Variants in CHD7 observed in about 807,000 individuals in gnomAD.
CHD7 encodes the protein chromodomain helicase DNA binding protein 7, also known as ATP-dependent chromatin remodeler CHD7.
CHD7 carries 24 observed loss-of-function variants against 307.3 expected under a neutral mutation model. The observed-to-expected ratio is 0.08, with a 90% CI of 0.06 to 0.11. CHD7 has a LOEUF of 0.11. Among genes scored for constraint, CHD7 ranks in the 10% least tolerant of loss-of-function variants. CHD7 has a pLI of 1.00. For missense variants in CHD7, 3,106 were observed against 3,727.1 expected (o/e 0.83, Z 4.34); for synonymous variants, 1,363 against 1,349.9 (o/e 1.01, Z -0.21).
rs570734439 is a variant in CHD7 at position 60,849,243 on chromosome 8, T to C, written c.5404+89T>C. 5.3e-5 allele frequency: 42 copies of C among 798,674 alleles called. 1 individual carries two copies. The South Asian group carries it at 6.2e-4, about 12-fold the overall frequency. The allele number at this position is 798,674 out of a possible 1,614,324, so 49.5% of individuals were successfully genotyped here. On this transcript the variant is annotated intron_variant, in intron 25 of 37. Transcript: ENST00000423902. ...TACATACTCTTTTCCAAAGTCATAA[T>C]ATTAATGAGGATAGTTCCAAAGGAC...
At position 60,855,824 on chromosome 8, in the gene CHD7, G is replaced by A. The variant is rs554940802; in HGVS notation, c.6937-151G>A. The A allele has an allele frequency of 8.6e-5, 53 of 618,754 alleles. 1 individual carries two copies. The South Asian group carries it at 1.1e-3, about 12-fold the overall frequency. The allele number at this position is 618,754 out of a possible 1,614,324, so 38.3% of individuals were successfully genotyped here. ...GGAGATTTTGTTTATTTACTTTCTT[G>A]TTTGATTTCTTGCCTTGTTTTCTTT... On this transcript the variant is annotated intron_variant, in intron 32 of 37. Coordinates refer to ENST00000423902, the MANE Select transcript of CHD7 (RefSeq NM_017780.4).
intron 1 of CHD7, among the ~76,000 whole-genome samples, chr8:60,688,585 CTTG>C (rs1406242682): frequency 2.6e-5 from 4 of 152,136 alleles, no homozygotes; most frequent in Admixed American, 6.5e-5. Flanking sequence ...GCCTAATTCT[CTTG>C]TTGATTATAT....
At chr8:60,799,671 A>AT (rs11422644) in intron 4 of CHD7, among the ~76,000 whole-genome samples, 250 of 152,098 alleles carry the variant, frequency 1.6e-3, no homozygotes, top group African/African-American at 4.2e-3. Flanking sequence ...TAAAGCACTG[A>AT]TTTTTTTTGG....
In CHD7 at chr8:60,741,599, A is replaced by G; in HGVS notation, c.167A>G (p.His56Arg). ...GFASLQPSLHHPSTNQNQTKL... is the reference protein window; with the variant it reads ...GFASLQPSLHRPSTNQNQTKL... ...GCCTCTTTACAGCCATCCCTTCATC[A>G]TCCTTCAACTAATCAAAATCAAACA... The change falls in exon 2 of 38, where the codon CAT becomes CGT. Residue 56 changes from histidine to arginine, a missense_variant. By Grantham distance (29) the His-to-Arg change is conservative. Transcript: ENST00000423902. 1 of 1,613,808 alleles carries G rather than the reference A, an allele frequency of 6.2e-7. No individual in the cohort carries two copies. The highest frequency in any genetic ancestry group is 8.5e-7 in the Non-Finnish European group (1 of 1,179,794).
At chr8:60,698,565 G>C (rs1316305296) in intron 1 of CHD7, among the ~76,000 whole-genome samples, 2 of 152,182 alleles carry the variant, frequency 1.3e-5, no homozygotes, top group Non-Finnish European at 2.9e-5. Flanking sequence ...ATCTTGGGCA[G>C]ATAACCTGTT....
rs1806259115 is a variant in CHD7, at chr8:60,866,827, T to C, written c.*894T>C. 1 of 152,632 alleles carries C rather than the reference T, an allele frequency of 6.6e-6. No individual in the cohort carries two copies. Among genetic ancestry groups the C allele is most frequent in the Non-Finnish European group, 1.5e-5 (1 of 68,040 alleles). The allele number at this position is 152,632 out of a possible 1,614,324, so 9.5% of individuals were successfully genotyped here. On this transcript the variant is annotated 3_prime_UTR_variant, in exon 38 of 38. Transcript: ENST00000423902. ...TTTTTTTCTTTGAAAACTGCTATCA[T>C]GTAAGATAAAATGTAAATTGCTGCC...
intron 1 of CHD7, among the ~76,000 whole-genome samples, chr8:60,683,572 T>G (rs1438858312): frequency 6.6e-6 from 1 of 152,236 alleles, no homozygotes; most frequent in Non-Finnish European, 1.5e-5. Context: ...TAGAGAATGA[T>G]TGGATATTTA....
At chr8:60,847,809 A>G (rs1805281288) in intron 23 of CHD7, among the ~76,000 whole-genome samples, 1 of 152,192 alleles carries the variant, frequency 6.6e-6, no homozygotes, top group African/African-American at 2.4e-5. Flanking sequence ...ATGTCAGTGA[A>G]TTGGACACAT....
intron 1 of CHD7, among the ~76,000 whole-genome samples, chr8:60,713,021 G>T (rs1311869800): frequency 1.5e-5 from 2 of 135,580 alleles, no homozygotes; most frequent in African/African-American, 5.6e-5. Context: ...CTGCACTCCA[G>T]CCTGGGCAAC....
chr8:60,806,389 A>C (rs1270727228), intron 6 of CHD7, among the ~76,000 whole-genome samples: 1 of 152,126 alleles, frequency 6.6e-6, no homozygotes, highest in Non-Finnish European at 1.5e-5. Flanking sequence ...GAATGGGGAA[A>C]TATTAAGGCT....
At chr8:60,686,149 G>A (rs750045956) in intron 1 of CHD7, among the ~76,000 whole-genome samples, 5 of 152,142 alleles carry the variant, frequency 3.3e-5, no homozygotes, top group Non-Finnish European at 5.9e-5. Flanking sequence ...GTAGGGACAT[G>A]CTTCATGTGA....
chr8:60,818,623 C>T (rs1042195185), intron 8 of CHD7, among the ~76,000 whole-genome samples: 2 of 152,070 alleles, frequency 1.3e-5, no homozygotes, highest in African/African-American at 4.8e-5. Flanking sequence ...GTGTAAAAGC[C>T]TGAGATACTT....
intron 29 of CHD7, 44 bp from the exon 30 acceptor site, chr8:60,852,454 C>T (rs368298233): frequency 1.9e-5 from 29 of 1,542,726 alleles, no homozygotes; most frequent in Non-Finnish European, 2.6e-5. Flanking sequence ...AATATTAAGT[C>T]TTTTCCTGAA....
intron 1 of CHD7, among the ~76,000 whole-genome samples, chr8:60,714,954 G>C (rs1216395359): frequency 6.6e-6 from 1 of 152,250 alleles, no homozygotes; most frequent in African/African-American, 2.4e-5. Flanking sequence ...CGCCATAGTG[G>C]GGAGGGGCAG....
chr8:60,820,489 T>C (rs1052442046), intron 9 of CHD7, among the ~76,000 whole-genome samples: 9 of 152,214 alleles, frequency 5.9e-5, no homozygotes, highest in African/African-American at 2.2e-4. Context: ...TTAGTGAAGT[T>C]GATGAATTCA....
At position 60,862,478 on chromosome 8, in the gene CHD7, G is replaced by A. The variant is rs1234884251; in HGVS notation, c.7972-70G>A. The A allele has an allele frequency of 9.5e-6, 14 of 1,478,342 alleles. No individual in the cohort carries two copies. In the South Asian group the frequency reaches 1.2e-4, roughly 13 times the overall value. The allele number at this position is 1,478,342 out of a possible 1,614,324, so 91.6% of individuals were successfully genotyped here. ...GTGTATGTGTGTATTATAGAAGGGG[G>A]AGGGAGTAGATTAACAGAAAGGGGA... On this transcript the variant is annotated intron_variant, in intron 36 of 37. Transcript: ENST00000423902.
chr8:60,755,254 C>A (rs1446670228), intron 2 of CHD7, among the ~76,000 whole-genome samples: 1 of 151,826 alleles, frequency 6.6e-6, no homozygotes, highest in East Asian at 1.9e-4. Context: ...AATAAGAAGG[C>A]AGTTCACATT....
At chr8:60,803,692 A>G (rs1812418297) in intron 6 of CHD7, among the ~76,000 whole-genome samples, 1 of 152,236 alleles carries the variant, frequency 6.6e-6, no homozygotes, top group Admixed American at 6.5e-5. Flanking sequence ...AAAGGGCAAT[A>G]AAAAAATCCA....
chr8:60,836,839 G>A lies in CHD7; in HGVS notation c.4012G>A (p.Gly1338Ser), dbSNP rs1804765240. 1 of 1,613,722 alleles carries A rather than the reference G, an allele frequency of 6.2e-7. No individual in the cohort carries two copies. The highest frequency in any genetic ancestry group is 8.5e-7 in the Non-Finnish European group (1 of 1,179,780). The change falls in exon 17 of 38, where the codon GGC becomes AGC. Residue 1338 changes from glycine (G) to serine (S), a missense_variant. Gly to Ser is a moderately conservative substitution (Grantham distance 56, BLOSUM62 0). Coordinates refer to ENST00000423902, the MANE Select transcript of CHD7 (RefSeq NM_017780.4). ...TAGGTACCCATATGAAAGGATCGAC[G>A]GCCGAGTAAGAGGCAACCTCCGCCA... ...QRRYPYERID[G>S]RVRGNLRQAA...
Sources: gnomAD v4.1 joint callset for allele counts (sites outside exome capture counted in the v4.1 genomes callset) on GRCh38, gnomAD v4.1.1 for gene constraint, MANE v1.5 for transcripts, NCBI Gene and HGNC (gene_info 2026-07-23, HGNC 2026-07-21) for gene names.